The following XPC variants were observed in gnomAD, a reference collection of about 807,000 sequenced individuals.
XPC encodes XPC complex subunit, DNA damage recognition and repair factor.
XPC carries 76 observed loss-of-function variants against 95.8 expected under a neutral mutation model. The observed-to-expected ratio is 0.79, with a 90% CI of 0.66 to 0.96. The LOEUF is 0.96. Ranked by LOEUF, XPC falls within the 40% of genes least tolerant of loss-of-function variation. The probability of loss-of-function intolerance (pLI) is 0.00; values close to 1 mark genes in which losing one functional copy is unlikely to be tolerated. For synonymous variants in XPC, 442 were observed against 442.1 expected (o/e 1.00, Z 0.00); for missense variants, 1,146 against 1,179.8 (o/e 0.97, Z 0.42).
intron 7 of XPC, among the ~76,000 whole-genome samples, chr3:14,160,762 G>T (rs1464112944): frequency 6.6e-6 from 1 of 152,224 alleles, no homozygotes; most frequent in Non-Finnish European, 1.5e-5. Context: ...TGATGGCATT[G>T]TACCAGTATT....
intron 5 of XPC, chr3:14,165,894 T>C (rs555863208): frequency 6.7e-6 from 2 of 299,620 alleles, no homozygotes; most frequent in South Asian, 7.1e-5. Flanking sequence ...ACTGAAAGAT[T>C]TCTGGATGAA....
rs1382767418 is a variant in XPC at position 14,156,481 on chromosome 3, G to A, written c.1887C>T (p.His629=). Residue 629 remains histidine, a synonymous_variant, in exon 10 of 16, where the codon CAC becomes CAT. Coordinates refer to ENST00000285021, the MANE Select transcript of XPC (RefSeq NM_004628.5). ...TGGCAGTGGGCAAAGGCTGGTCCAT[G>A]TGTTTAGCCTGAAACTGCAAAGGCC... ...KKEDLEFQAK[H]MDQPLPTAIG... 4.3e-6 allele frequency: 7 copies of A among 1,613,884 alleles called. No homozygotes were observed. Among genetic ancestry groups the A allele is most frequent in the Non-Finnish European group, 5.9e-6 (7 of 1,179,886 alleles).
At chr3:14,173,152 A>G in intron 1 of XPC, 90 bp from the exon 2 acceptor site, 2 of 1,292,856 alleles carry the variant, frequency 1.5e-6, no homozygotes, top group South Asian at 3.5e-5. Context: ...CGGCTCTATG[A>G]CCTGTCTCCA....
In XPC at chr3:14,175,777, T is replaced by G. The variant is rs147123477; in HGVS notation, c.103+2689A>C. On this transcript the variant is annotated intron_variant, in intron 1 of 15. Transcript: ENST00000285021. ...GCTATTAAAACCTACACTATTACAG[T>G]GTTAGCAACTACACTGACAGTCACC... 5.7e-3 allele frequency among the ~76,000 whole-genome samples: 862 copies of G among 152,294 alleles called. 7 individuals carry two copies. Among genetic ancestry groups the G allele is most frequent in the African/African-American group, 0.02 (826 of 41,548 alleles).
Position 14,152,853 on chromosome 3 carries a change from G to C in XPC, c.2034-437C>G, listed in dbSNP as rs3731145. ...TGTGGGGGAGGGAAGTGTCCAGGAG[G>C]GGGCAGTGAACCCAAAGGAAGGCTG... On this transcript the variant is annotated intron_variant, in intron 10 of 15. Transcript: ENST00000285021. The C allele has an allele frequency of 2.9e-3, 460 of 157,262 alleles. 1 individual carries two copies. The highest frequency in any genetic ancestry group is 4.4e-3 in the Non-Finnish European group (314 of 71,458). The allele number at this position is 157,262 out of a possible 1,614,324, so 9.7% of individuals were successfully genotyped here.
chr3:14,164,278 G>C (rs1289486884), intron 7 of XPC: 1 of 152,606 alleles, frequency 6.6e-6, no homozygotes, highest in Non-Finnish European at 1.5e-5. Flanking sequence ...TATTCAGACA[G>C]AGCCTTACCT....
At chr3:14,147,725 T>C (rs565774295) in intron 14 of XPC, 183 bp downstream of exon 14, 9 of 617,750 alleles carry the variant, frequency 1.5e-5, no homozygotes, top group African/African-American at 3.7e-5. Flanking sequence ...GGGACAGTGA[T>C]AGTCTGCGGG....
rs1695392500 is a variant in XPC at position 14,145,670 on chromosome 3, C to A, written c.*271G>T. On this transcript the variant is annotated 3_prime_UTR_variant, in exon 16 of 16. Coordinates refer to ENST00000285021, the MANE Select transcript of XPC (RefSeq NM_004628.5). ...GAAGAGTATCTCCTAGCAAAGTGTT[C>A]TGTAGCTCAAAGGGTGAGTGGGCTT... is the stretch of plus-strand genomic sequence containing the variant. 4.3e-6 allele frequency: 3 copies of A among 699,374 alleles called. No individual in the cohort carries two copies. The East Asian group carries it at 8.1e-5, about 19-fold the overall frequency. 43.3% of individuals were successfully genotyped at this position (699,374 alleles called of 1,614,324 possible).
intron 6 of XPC, 99 bp from the exon 7 acceptor site, chr3:14,165,032 C>T: frequency 6.8e-7 from 1 of 1,473,532 alleles, no homozygotes. Context: ...ATCGTGAGAC[C>T]CGCCTGCCTC....
chr3:14,178,368 C>T (rs1408144451), intron 1 of XPC, 98 bp downstream of exon 1: 1 of 1,366,880 alleles, frequency 7.3e-7, no homozygotes, highest in African/African-American at 1.5e-5. Context: ...GCGCAGCAAC[C>T]TCCACCAGGC....
chr3:14,156,263 T>G lies in XPC; in HGVS notation c.2033+72A>C, dbSNP rs111482541. On this transcript the variant is annotated intron_variant, in intron 10 of 15. Coordinates refer to ENST00000285021, the MANE Select transcript of XPC (RefSeq NM_004628.5). ...TCAGATGAGCTCCCATCAGCAACCC[T>G]TGCCTAGGAAGAAGGCTGCTAATCC... The G allele has an allele frequency of 2.8e-4, 438 of 1,540,182 alleles. 1 individual carries two copies. In the African/African-American group the frequency reaches 5.2e-3, roughly 18 times the overall value.
chr3:14,152,219 G>C, intron 11 of XPC, 116 bp downstream of exon 11: 4 of 805,318 alleles, frequency 5.0e-6, no homozygotes, highest in South Asian at 1.8e-5. Context: ...AGACATTTCT[G>C]ATCAGGATCC....
At chr3:14,176,109 C>G (rs1696805154) in intron 1 of XPC, among the ~76,000 whole-genome samples, 1 of 152,234 alleles carries the variant, frequency 6.6e-6, no homozygotes, top group South Asian at 2.1e-4. Context: ...AGAGGAAATT[C>G]AGAAGGGCTA....
Position 14,145,431 on chromosome 3 carries a change from C to T in XPC, c.*510G>A. 1 of 696,922 alleles carries T rather than the reference C, an allele frequency of 1.4e-6. No individual in the cohort carries two copies. Among genetic ancestry groups the T allele is most frequent in the Non-Finnish European group, 2.6e-6 (1 of 382,186 alleles). 43.2% of individuals were successfully genotyped at this position (696,922 alleles called of 1,614,324 possible). A position where few individuals can be genotyped will look rare whatever the true frequency, so the allele number is the denominator to read the frequency against. ...TACTGCAAAGAGGCAGTGAGGGCAG[C>T]ATTAGTAAGCCTGACTCAGGGGAAG... On this transcript the variant is annotated 3_prime_UTR_variant, in exon 16 of 16. Transcript: ENST00000285021.
At position 14,145,946 on chromosome 3, in the gene XPC, G is replaced by A. The variant is rs1335302338; in HGVS notation, c.2818C>T (p.Leu940=). 1 of 1,604,972 alleles carries A rather than the reference G, an allele frequency of 6.2e-7. No individual in the cohort carries two copies. Among genetic ancestry groups the A allele is most frequent in the East Asian group, 2.2e-5 (1 of 44,602 alleles). The stretch of plus-strand genomic sequence containing the variant: ...CCCTCTAGTGGGCGCTCAGCTCACA[G>A]CTGCTCAAATGGGAACAGGTGGGAA... ...AASHLFPFEQ[L] is the part of the protein sequence containing the mutation. The change falls in exon 16 of 16, where the codon CTG becomes TTG. Residue 940 remains leucine (L), a synonymous_variant. Transcript: ENST00000285021.
chr3:14,168,414 T>C (rs371582884), intron 3 of XPC, 34 bp from the exon 4 acceptor site: 5 of 1,610,098 alleles, frequency 3.1e-6, no homozygotes, highest in Non-Finnish European at 4.2e-6. Flanking sequence ...TCAGTAATAG[T>C]AATAACAATA....
rs1695491517 is a variant in XPC at position 14,147,576 on chromosome 3, A to T, written c.2515-197T>A. On this transcript the variant is annotated intron_variant, in intron 14 of 15. Coordinates refer to ENST00000285021, the MANE Select transcript of XPC (RefSeq NM_004628.5). Reference sequence around the variant, plus strand: ...TACTATACCTGAAAGCCACAAAAACAGATAACTTTTTAATCGTTACTGACT... The same window carrying T: ...TACTATACCTGAAAGCCACAAAAACTGATAACTTTTTAATCGTTACTGACT... 4 of 630,912 alleles carry T rather than the reference A, an allele frequency of 6.3e-6. No individual in the cohort carries two copies. The Admixed American group carries it at 1.2e-4, about 19-fold the overall frequency. 39.1% of individuals were successfully genotyped at this position (630,912 alleles called of 1,614,324 possible). A position where few individuals can be genotyped will look rare whatever the true frequency, so the allele number is the denominator to read the frequency against.
chr3:14,164,780 G>C (rs542376907), intron 7 of XPC, 33 bp downstream of exon 7: 2 of 1,608,612 alleles, frequency 1.2e-6, no homozygotes, highest in Non-Finnish European at 1.7e-6. Flanking sequence ...TAACAGTACT[G>C]ATAAAAAACA....
intron 7 of XPC, chr3:14,164,450 A>G: frequency 4.9e-6 from 1 of 202,142 alleles, no homozygotes; most frequent in Non-Finnish European, 9.9e-6. Context: ...TTCAGCATCC[A>G]ATTTGAAAAA....
Sources: gnomAD v4.1 joint callset for allele counts (sites outside exome capture counted in the v4.1 genomes callset) on GRCh38, gnomAD v4.1.1 for gene constraint, MANE v1.5 for transcripts, NCBI Gene and HGNC (gene_info 2026-07-23, HGNC 2026-07-21) for gene names.